The following GSE1 variants were observed in gnomAD, a reference collection of about 807,000 sequenced individuals.
GSE1 encodes genetic suppressor element 1.
In GSE1, 32 loss-of-function variants were observed where a neutral mutation model predicts 112.6. The ratio of observed to expected loss-of-function variants is 0.28; its 90% CI spans 0.21 to 0.38. The LOEUF is 0.38. Ranked by LOEUF, GSE1 falls within the 10% of genes least tolerant of loss-of-function variation. The pLI is 1.00. For missense variants in GSE1, 2,348 were observed against 1,699.2 expected (o/e 1.38, Z -6.71); for synonymous variants, 1,115 against 735.6 (o/e 1.52, Z -8.35).
At chr16:85,178,488 C>T (rs796169308) in intron 1 of GSE1, among the ~76,000 whole-genome samples, 5 of 152,150 alleles carry the variant, frequency 3.3e-5, no homozygotes, top group Admixed American at 1.3e-4. Flanking sequence ...GGCCCTGCCC[C>T]CAGGCCTGTT....
At chr16:85,228,512 C>T (rs908495019) in intron 1 of GSE1, among the ~76,000 whole-genome samples, 2 of 152,196 alleles carry the variant, frequency 1.3e-5, no homozygotes, top group Non-Finnish European at 2.9e-5. Context: ...TGTTTACGCT[C>T]CCCAGCCCTA....
intron 2 of GSE1, among the ~76,000 whole-genome samples, chr16:85,647,894 C>G (rs1174418804): frequency 1.3e-5 from 2 of 152,242 alleles, no homozygotes; most frequent in South Asian, 4.1e-4. Flanking sequence ...CAGTGCTGAC[C>G]GCTTCTTGTG....
At chr16:85,449,458 G>A (rs925968147) in intron 2 of GSE1, among the ~76,000 whole-genome samples, 2 of 152,262 alleles carry the variant, frequency 1.3e-5, no homozygotes, top group Non-Finnish European at 2.9e-5. Context: ...ATCCGGCTGC[G>A]GTCGTGGCCC....
At chr16:85,362,831 C>CTT (rs67922655) in intron 2 of GSE1, among the ~76,000 whole-genome samples, 3,738 of 103,396 alleles carry the variant, frequency 0.036, 246 homozygotes, top group African/African-American at 0.1. Flanking sequence ...TTATTGATAT[C>CTT]TTTTTTTTTT....
rs543792590 is a variant in GSE1 at position 85,673,336 on chromosome 16, TAAAAAA to T, written c.*802_*807del. On this transcript the variant is annotated 3_prime_UTR_variant, in exon 16 of 16. Transcript: ENST00000253458. ...TCAGCCTTGTACTGTGTATATATAT[TAAAAAA>T]AAAACAAAGTTTTGTATGTTTTTAT... 1.3e-5 allele frequency: 2 copies of T among 148,764 alleles called. No individual in the cohort carries two copies. The highest frequency in any genetic ancestry group is 5.0e-5 in the African/African-American group (2 of 40,324). The allele number at this position is 148,764 out of a possible 1,614,324, so 9.2% of individuals were successfully genotyped here. A position where few individuals can be genotyped will look rare whatever the true frequency, so the allele number is the denominator to read the frequency against.
intron 1 of GSE1, among the ~76,000 whole-genome samples, chr16:85,283,806 C>T (rs1052270715): frequency 1.3e-5 from 2 of 152,202 alleles, no homozygotes; most frequent in African/African-American, 4.8e-5. Context: ...TTATTATACC[C>T]ATTTTATGGA....
At chr16:85,262,432 G>A (rs1907796001) in intron 1 of GSE1, among the ~76,000 whole-genome samples, 1 of 152,162 alleles carries the variant, frequency 6.6e-6, no homozygotes, top group Non-Finnish European at 1.5e-5. Flanking sequence ...TGCACCGGGG[G>A]GCCTCTCAGA....
chr16:85,381,999 C>A (rs1432446799), intron 2 of GSE1, among the ~76,000 whole-genome samples: 1 of 152,244 alleles, frequency 6.6e-6, no homozygotes, highest in African/African-American at 2.4e-5. Flanking sequence ...GGCGTGCAGG[C>A]TGTCAGCCAA....
chr16:85,340,815 G>C (rs1282975550), intron 1 of GSE1, among the ~76,000 whole-genome samples: 2 of 152,218 alleles, frequency 1.3e-5, no homozygotes, highest in African/African-American at 4.8e-5. Context: ...GCAGGTGGCT[G>C]GGAGGGTGGG....
intron 2 of GSE1, among the ~76,000 whole-genome samples, chr16:85,635,036 C>A (rs946645162): frequency 6.6e-6 from 1 of 152,156 alleles, no homozygotes. Flanking sequence ...GGTGCCAGGG[C>A]CCTCCGGGGT....
intron 1 of GSE1, among the ~76,000 whole-genome samples, chr16:85,255,049 C>T (rs907756589): frequency 8.5e-5 from 13 of 152,232 alleles, no homozygotes; most frequent in Non-Finnish European, 1.8e-4. Context: ...CGCCACCCAC[C>T]GGATCCCGGT....
chr16:85,266,322 C>T (rs959628901), intron 1 of GSE1, among the ~76,000 whole-genome samples: 13 of 152,134 alleles, frequency 8.5e-5, no homozygotes, highest in African/African-American at 2.2e-4. Context: ...AACTGAGGCC[C>T]GAGGAGTGAA....
In GSE1 at chr16:85,246,498, A is replaced by ACCCCCCCCCC. The variant is rs1567636430; in HGVS notation, c.2283+74692_2283+74693insCCCCCCCCCC. Among the ~76,000 whole-genome samples the ACCCCCCCCCC allele has an allele frequency of 1.2e-3, 38 of 31,526 alleles. 2 individuals carry two copies. Among genetic ancestry groups the ACCCCCCCCCC allele is most frequent in the African/African-American group, 1.7e-3 (16 of 9,250 alleles). 20.7% of individuals were successfully genotyped at this position (31,526 alleles called of 152,430 possible). ...ACACACACACACACACACACTCTAC[A>ACCCCCCCCCC]CACCCCCCCCCCCCCGACGCTGTCT... On this transcript the variant is annotated intron_variant, in intron 1 of 2. Transcript: ENST00000637419.
At chr16:85,291,570 G>T (rs1167471845) in intron 1 of GSE1, among the ~76,000 whole-genome samples, 1 of 152,240 alleles carries the variant, frequency 6.6e-6, no homozygotes, top group Non-Finnish European at 1.5e-5. Flanking sequence ...CTCAGGGCCG[G>T]CTTGTGCGCA....
intron 2 of GSE1, among the ~76,000 whole-genome samples, chr16:85,393,196 C>T (rs1039732480): frequency 6.6e-6 from 1 of 152,200 alleles, no homozygotes; most frequent in Non-Finnish European, 1.5e-5. Context: ...TTGAGGCCAG[C>T]AGGTCAAGAC....
At chr16:85,485,326 A>G (rs947263869) in intron 2 of GSE1, among the ~76,000 whole-genome samples, 1 of 152,352 alleles carries the variant, frequency 6.6e-6, no homozygotes, top group Admixed American at 6.5e-5. Flanking sequence ...CTGCAGTCAC[A>G]CAGCAGGGTG....
intron 2 of GSE1, among the ~76,000 whole-genome samples, chr16:85,525,210 C>T (rs942557966): frequency 6.6e-6 from 1 of 152,104 alleles, no homozygotes; most frequent in African/African-American, 2.4e-5. Context: ...TTGGCAGCAG[C>T]TGCCCCTCTG....
Position 85,597,196 on chromosome 16 carries a change from C to G in GSE1, c.37+40833C>G, listed in dbSNP as rs1036058019. Among the ~76,000 whole-genome samples, 7 of 151,666 alleles carry G rather than the reference C, an allele frequency of 4.6e-5. No individual in the cohort carries two copies. The South Asian group carries it at 1.2e-3, about 27-fold the overall frequency. On this transcript the variant is annotated intron_variant, in intron 1 of 2. Coordinates refer to the GSE1 transcript ENST00000635906. ...GTTTCGCCATGTTGGCCAGGCTGGTCTCGAACTCCTGACCTCAGGTGATCT... is the reference window on the plus strand; with the variant it reads ...GTTTCGCCATGTTGGCCAGGCTGGTGTCGAACTCCTGACCTCAGGTGATCT...
At chr16:85,225,643 T>C (rs931565229) in intron 1 of GSE1, among the ~76,000 whole-genome samples, 1 of 152,182 alleles carries the variant, frequency 6.6e-6, no homozygotes, top group Non-Finnish European at 1.5e-5. Context: ...ATACATTCAT[T>C]CCCCTTTCAG....
Sources: gnomAD v4.1 joint callset for allele counts (sites outside exome capture counted in the v4.1 genomes callset) on GRCh38, gnomAD v4.1.1 for gene constraint, MANE v1.5 for transcripts, NCBI Gene and HGNC (gene_info 2026-07-23, HGNC 2026-07-21) for gene names.